Variants in GRAMD2B observed in about 807,000 individuals in gnomAD.
GRAMD2B encodes the protein GRAM domain-containing protein 2B.
A neutral mutation model predicts 59.2 loss-of-function variants in GRAMD2B; 41 were observed. The ratio of observed to expected loss-of-function variants is 0.69; its 90% CI spans 0.54 to 0.90. The LOEUF (loss-of-function observed/expected upper bound fraction) is 0.90, where lower values mean the gene tolerates loss of function less well. Among genes scored for constraint, GRAMD2B ranks in the 40% least tolerant of loss-of-function variants. The pLI is 0.00. For missense variants in GRAMD2B, 424 were observed against 500.5 expected (o/e 0.85, Z 1.46); for synonymous variants, 161 against 182.7 (o/e 0.88, Z 0.96).
intron 5 of GRAMD2B, 59 bp from the exon 6 acceptor site, chr5:126,477,633 G>T: frequency 1.1e-6 from 1 of 919,404 alleles, no homozygotes; most frequent in Non-Finnish European, 1.8e-6. Context: ...TAAATGTGAA[G>T]ATTTGAAGTG....
intron 1 of GRAMD2B, among the ~76,000 whole-genome samples, chr5:126,460,794 C>G (rs1182328328): frequency 6.6e-6 from 1 of 152,216 alleles, no homozygotes; most frequent in Non-Finnish European, 1.5e-5. Context: ...CAGGAACACT[C>G]TACTTTCACA....
At chr5:126,407,706 T>C (rs1288540793) in intron 1 of GRAMD2B, among the ~76,000 whole-genome samples, 1 of 152,006 alleles carries the variant, frequency 6.6e-6, no homozygotes, top group Non-Finnish European at 1.5e-5. Flanking sequence ...CGTGTCATAA[T>C]ACTCCACACA....
At chr5:126,362,011 CA>C (rs1754244270) in intron 1 of GRAMD2B, among the ~76,000 whole-genome samples, 1 of 152,198 alleles carries the variant, frequency 6.6e-6, no homozygotes, top group African/African-American at 2.4e-5. Flanking sequence ...ACCATCACCC[CA>C]AATGTGGTGA....
At chr5:126,481,440 A>G (rs1482364825) in intron 8 of GRAMD2B, among the ~76,000 whole-genome samples, 3 of 152,184 alleles carry the variant, frequency 2.0e-5, no homozygotes. Flanking sequence ...TAAATATTCT[A>G]CATTAGTGAA....
At chr5:126,469,550 G>T in intron 2 of GRAMD2B, 127 bp from the exon 3 acceptor site, 2 of 655,506 alleles carry the variant, frequency 3.1e-6, no homozygotes, top group Non-Finnish European at 5.4e-6. Flanking sequence ...TGGGAGGATC[G>T]CTTGAGTCCT....
Position 126,483,566 on chromosome 5 carries a change from ACT to A in GRAMD2B, c.843_844del (p.Asp283PhefsTer31). 1 of 1,593,990 alleles carries A rather than the reference ACT, an allele frequency of 6.3e-7. No homozygotes were observed. ...GGTTCTCAAACTCCTGAATCTGAGA[ACT>A]CTCGAGGTTTGGGAAATTGTTGTAT... On this transcript the variant is annotated frameshift_variant, in exon 9 of 14. Coordinates refer to ENST00000285689, the MANE Select transcript of GRAMD2B (RefSeq NM_023927.4). LOFTEE classifies it high-confidence loss of function.
rs993282621 is a variant in GRAMD2B, at chr5:126,431,067, G to A, written c.83+7378G>A. Among the ~76,000 whole-genome samples, 3 of 152,140 alleles carry A rather than the reference G, an allele frequency of 2.0e-5. No homozygotes were observed. The East Asian group carries it at 5.8e-4, about 29-fold the overall frequency. ...AATGAAAAACGGAGGCCTTCATCCT[G>A]TCTCCCACCTTATAGTTCCTTGTCT... is the stretch of plus-strand genomic sequence containing the variant. On this transcript the variant is annotated intron_variant, in intron 1 of 13. Coordinates refer to ENST00000285689, the MANE Select transcript of GRAMD2B (RefSeq NM_023927.4).
Position 126,405,130 on chromosome 5 carries a change from G to C in GRAMD2B, c.125+33563G>C, listed in dbSNP as rs528752646. Among the ~76,000 whole-genome samples, 8 of 151,980 alleles carry C rather than the reference G, an allele frequency of 5.3e-5. No individual in the cohort carries two copies. The South Asian group carries it at 1.7e-3, about 32-fold the overall frequency. ...TTTAATCCTGACTATGACTGGGGAT[G>C]CAGAATAAGGTGAGGAGGTAGGAAG... On this transcript the variant is annotated intron_variant, in intron 1 of 8. Transcript: ENST00000506445.
intron 1 of GRAMD2B, among the ~76,000 whole-genome samples, chr5:126,462,708 G>A (rs1767596565): frequency 6.6e-6 from 1 of 152,104 alleles, no homozygotes; most frequent in African/African-American, 2.4e-5. Flanking sequence ...ATTTTTGGGA[G>A]AAAAGGTACC....
At chr5:126,383,720 T>C (rs1051826252) in intron 1 of GRAMD2B, among the ~76,000 whole-genome samples, 1 of 152,208 alleles carries the variant, frequency 6.6e-6, no homozygotes, top group Admixed American at 6.5e-5. Flanking sequence ...TCCAAGTTCA[T>C]GGACGAATTT....
chr5:126,476,733 G>C (rs1770700806), intron 5 of GRAMD2B, among the ~76,000 whole-genome samples: 1 of 152,106 alleles, frequency 6.6e-6, no homozygotes, highest in African/African-American at 2.4e-5. Flanking sequence ...AATAATGGTA[G>C]CTTCTATAGT....
chr5:126,482,695 C>T (rs1772114258), intron 8 of GRAMD2B, among the ~76,000 whole-genome samples: 1 of 152,236 alleles, frequency 6.6e-6, no homozygotes, highest in Non-Finnish European at 1.5e-5. Flanking sequence ...CAAAAGACAG[C>T]TAGTTCAAGG....
chr5:126,371,256 A>G, upstream of GRAMD2B: 1 of 1,064,636 alleles, frequency 9.4e-7, no homozygotes, highest in Non-Finnish European at 1.2e-6. Flanking sequence ...CCTGTGTCAC[A>G]CTGATATGTT....
chr5:126,434,476 A>G (rs1305419276), intron 1 of GRAMD2B, among the ~76,000 whole-genome samples: 2 of 151,806 alleles, frequency 1.3e-5, no homozygotes, highest in Non-Finnish European at 2.9e-5. Context: ...ACAAGACACT[A>G]TTCTTGACTT....
At chr5:126,371,637 C>G (rs1219669035) in intron 1 of GRAMD2B, 2 of 1,176,200 alleles carry the variant, frequency 1.7e-6, no homozygotes, top group African/African-American at 3.2e-5. Context: ...ACTGGTGACC[C>G]TTGGAGAGCT....
upstream of GRAMD2B, among the ~76,000 whole-genome samples, chr5:126,420,175 A>G (rs1759613295): frequency 6.6e-6 from 1 of 152,156 alleles, no homozygotes; most frequent in Non-Finnish European, 1.5e-5. Context: ...TTGGTACAAT[A>G]TCAAAGGGCA....
At chr5:126,376,408 G>A (rs1312943865) in intron 1 of GRAMD2B, among the ~76,000 whole-genome samples, 3 of 152,200 alleles carry the variant, frequency 2.0e-5, no homozygotes, top group Non-Finnish European at 4.4e-5. Flanking sequence ...CCATTTAGTG[G>A]CTCCAATGCA....
chr5:126,399,602 T>A (rs1757653799), intron 1 of GRAMD2B, among the ~76,000 whole-genome samples: 1 of 152,172 alleles, frequency 6.6e-6, no homozygotes, highest in Non-Finnish European at 1.5e-5. Context: ...AACTGTGAGT[T>A]CATTAAACCT....
At chr5:126,461,464 AGT>A (rs1767350360) in intron 1 of GRAMD2B, among the ~76,000 whole-genome samples, 2 of 152,214 alleles carry the variant, frequency 1.3e-5, no homozygotes, top group Non-Finnish European at 2.9e-5. Context: ...AGTGTGTGGC[AGT>A]GTTTTATTGA....
Sources: allele counts gnomAD v4.1 joint callset (sites outside exome capture counted in the v4.1 genomes callset), GRCh38; gene constraint gnomAD v4.1.1; transcripts MANE v1.5; gene names NCBI Gene and HGNC (gene_info 2026-07-23, HGNC 2026-07-21).